The following CDC42BPA variants were observed in gnomAD, a reference collection of about 807,000 sequenced individuals.
CDC42BPA encodes the protein serine/threonine-protein kinase MRCK alpha.
A neutral mutation model predicts 223.5 loss-of-function variants in CDC42BPA; 80 were observed. The observed-to-expected ratio is 0.36, with a 90% CI of 0.30 to 0.43. The LOEUF (loss-of-function observed/expected upper bound fraction) is 0.43. Ranked by LOEUF, CDC42BPA falls within the 20% of genes least tolerant of loss-of-function variation. The probability of loss-of-function intolerance (pLI) is 1.00; values close to 1 mark genes in which losing one functional copy is unlikely to be tolerated. For synonymous variants in CDC42BPA, 694 were observed against 718.6 expected (o/e 0.97, Z 0.55); for missense variants, 1,743 against 2,099.9 (o/e 0.83, Z 3.32).
intron 11 of CDC42BPA, among the ~76,000 whole-genome samples, chr1:227,122,496 G>A (rs10495259): frequency 0.14 from 21,341 of 152,106 alleles, 1,879 homozygotes; most frequent in South Asian, 0.34. Flanking sequence ...TTTCAATATA[G>A]TGTTAATTTC....
At chr1:227,233,161 G>C (rs185017068) in intron 2 of CDC42BPA, among the ~76,000 whole-genome samples, 1 of 152,300 alleles carries the variant, frequency 6.6e-6, no homozygotes, top group Non-Finnish European at 1.5e-5. Context: ...GACTGGAGCT[G>C]TTCCTATTCG....
intron 22 of CDC42BPA, 100 bp downstream of exon 22, chr1:227,051,781 C>T: frequency 1.7e-6 from 1 of 589,488 alleles, no homozygotes; most frequent in Admixed American, 2.2e-5. Flanking sequence ...TAACTTATTA[C>T]ATATTTGGTT....
chr1:227,002,559 A>AG (rs984910206), intron 35 of CDC42BPA, among the ~76,000 whole-genome samples: 54 of 152,348 alleles, frequency 3.5e-4, no homozygotes, highest in African/African-American at 1.2e-3. Flanking sequence ...ACACAGTACC[A>AG]GGGCTGGTCT....
chr1:227,312,427 T>C (rs1693689407), intron 1 of CDC42BPA, among the ~76,000 whole-genome samples: 1 of 152,240 alleles, frequency 6.6e-6, no homozygotes, highest in Non-Finnish European at 1.5e-5. Flanking sequence ...ATTTCCAACA[T>C]ACTGCACTAT....
intron 1 of CDC42BPA, among the ~76,000 whole-genome samples, chr1:227,256,056 C>G (rs1682981188): frequency 6.6e-6 from 1 of 152,064 alleles, no homozygotes; most frequent in East Asian, 1.9e-4. Context: ...ACAAAGAACT[C>G]CTACAAGTCA....
At chr1:227,306,048 G>A (rs1012296317) in intron 1 of CDC42BPA, among the ~76,000 whole-genome samples, 1 of 151,790 alleles carries the variant, frequency 6.6e-6, no homozygotes, top group Non-Finnish European at 1.5e-5. Context: ...ATGCTAAAGA[G>A]GAGTTCAAAT....
At chr1:227,158,981 T>C (rs1432525223) in intron 6 of CDC42BPA, among the ~76,000 whole-genome samples, 1 of 152,126 alleles carries the variant, frequency 6.6e-6, no homozygotes, top group African/African-American at 2.4e-5. Context: ...TGCGCAATCG[T>C]GAGGAATACC....
intron 6 of CDC42BPA, among the ~76,000 whole-genome samples, chr1:227,148,772 C>CAAAAAAAAAAAAAAAAAAAAA (rs57635319): frequency 1.3e-5 from 1 of 78,786 alleles, no homozygotes; most frequent in African/African-American, 5.6e-5. Context: ...GTCTCAAAAG[C>CAAAAAAAAAAAAAAAAAAAAA]AAAAAAAAAA....
intron 5 of CDC42BPA, among the ~76,000 whole-genome samples, chr1:227,179,358 C>T (rs1204113117): frequency 6.6e-6 from 1 of 151,970 alleles, no homozygotes; most frequent in East Asian, 1.9e-4. Context: ...ATTTTAAGGC[C>T]GGGCATGGTG....
At chr1:227,243,625 AC>A (rs1680379729) in intron 2 of CDC42BPA, among the ~76,000 whole-genome samples, 2 of 152,154 alleles carry the variant, frequency 1.3e-5, no homozygotes, top group Non-Finnish European at 2.9e-5. Context: ...TTAGAAAAAA[AC>A]TTCTTAAAAA....
At chr1:227,166,782 T>A (rs1186005973) in intron 5 of CDC42BPA, among the ~76,000 whole-genome samples, 1 of 152,138 alleles carries the variant, frequency 6.6e-6, no homozygotes, top group Non-Finnish European at 1.5e-5. Flanking sequence ...GGTGCCTCAA[T>A]GCCTCTGCTG....
intron 5 of CDC42BPA, among the ~76,000 whole-genome samples, chr1:227,163,158 ATG>A (rs1558650773): frequency 5.3e-5 from 8 of 151,164 alleles, no homozygotes; most frequent in Non-Finnish European, 8.8e-5. Context: ...CCAAACATAT[ATG>A]TGTGTATATG....
intron 35 of CDC42BPA, among the ~76,000 whole-genome samples, chr1:227,001,851 G>A (rs1229499457): frequency 6.6e-6 from 1 of 152,018 alleles, no homozygotes; most frequent in Non-Finnish European, 1.5e-5. Flanking sequence ...AGGTTTCAGT[G>A]AGCCAAGATC....
intron 3 of CDC42BPA, among the ~76,000 whole-genome samples, chr1:227,202,854 T>C (rs1340296241): frequency 6.6e-6 from 1 of 151,686 alleles, no homozygotes; most frequent in Non-Finnish European, 1.5e-5. Context: ...CACATGAGCC[T>C]AGGAGTTTGA....
At chr1:227,092,653 A>G (rs1006226542) in intron 15 of CDC42BPA, among the ~76,000 whole-genome samples, 1 of 152,214 alleles carries the variant, frequency 6.6e-6, no homozygotes, top group Non-Finnish European at 1.5e-5. Context: ...TAGTATTCCA[A>G]ACATTTTGTT....
intron 35 of CDC42BPA, among the ~76,000 whole-genome samples, chr1:226,997,095 T>G (rs1558241594): frequency 6.6e-6 from 1 of 152,262 alleles, no homozygotes; most frequent in Non-Finnish European, 1.5e-5. Flanking sequence ...CCTGCCTTTT[T>G]TTAGCTGGTA....
At chr1:227,267,561 T>G (rs1685211011) in intron 1 of CDC42BPA, among the ~76,000 whole-genome samples, 2 of 152,204 alleles carry the variant, frequency 1.3e-5, no homozygotes, top group East Asian at 1.9e-4. Context: ...TTCCAGTGTA[T>G]TAGTCTGTTT....
At chr1:227,203,225 C>T (rs1336878272) in intron 3 of CDC42BPA, among the ~76,000 whole-genome samples, 1 of 152,128 alleles carries the variant, frequency 6.6e-6, no homozygotes, top group African/African-American at 2.4e-5. Context: ...GCCTTGAATC[C>T]TGAGTCTAGA....
chr1:227,189,078 T>C lies in CDC42BPA; in HGVS notation c.599+4708A>G, dbSNP rs148117721. 1.7e-3 allele frequency among the ~76,000 whole-genome samples: 257 copies of C among 152,292 alleles called. 1 individual carries two copies. Among genetic ancestry groups the C allele is most frequent in the Middle Eastern group, 6.8e-3 (2 of 294 alleles). ...TATGAAAAGGGTATTCACTTAGAAA[T>C]TGAGCTTTCATTCCTATCCCTGTCC... On this transcript the variant is annotated intron_variant, in intron 5 of 36. Transcript: ENST00000366766.
Sources: allele counts gnomAD v4.1 joint callset (sites outside exome capture counted in the v4.1 genomes callset), GRCh38; gene constraint gnomAD v4.1.1; transcripts MANE v1.5; gene names NCBI Gene and HGNC (gene_info 2026-07-23, HGNC 2026-07-21).